The following HMCN1 variants were observed in gnomAD, a reference collection of about 807,000 sequenced individuals.
HMCN1 encodes the protein hemicentin 1, also known as hemicentin-1.
In HMCN1, 321 loss-of-function variants were observed where a neutral mutation model predicts 625.9. The ratio of observed to expected loss-of-function variants is 0.51; its 90% CI spans 0.47 to 0.56. HMCN1 has a LOEUF of 0.56. Ranked by LOEUF, HMCN1 falls within the 20% of genes least tolerant of loss-of-function variation. The pLI is 0.00. For missense variants in HMCN1, 6,588 were observed against 6,887.3 expected (o/e 0.96, Z 1.54); for synonymous variants, 2,425 against 2,417.6 (o/e 1.00, Z -0.09).
chr1:186,039,946 T>C, intron 39 of HMCN1, 67 bp downstream of exon 39: 1 of 1,458,874 alleles, frequency 6.9e-7, no homozygotes, highest in Non-Finnish European at 9.6e-7. Context: ...TACACACAGG[T>C]AAAACTGTTG....
At chr1:186,078,299 C>A in intron 55 of HMCN1, 79 bp downstream of exon 55, 1 of 997,628 alleles carries the variant, frequency 1.0e-6, no homozygotes, top group Non-Finnish European at 1.6e-6. Flanking sequence ...GGATGTTACA[C>A]TAAGCGCTTT....
chr1:185,812,102 T>C (rs1166464163), intron 1 of HMCN1, among the ~76,000 whole-genome samples: 1 of 152,138 alleles, frequency 6.6e-6, no homozygotes, highest in East Asian at 1.9e-4. Context: ...TTTTTGAAGA[T>C]GGCCAACATT....
intron 13 of HMCN1, among the ~76,000 whole-genome samples, chr1:185,965,003 G>A (rs1418130130): frequency 6.6e-6 from 1 of 152,066 alleles, no homozygotes; most frequent in Non-Finnish European, 1.5e-5. Context: ...ATGGAATTTT[G>A]AAGGCAGTAG....
chr1:185,809,783 G>A (rs1304963539), intron 1 of HMCN1, among the ~76,000 whole-genome samples: 2 of 151,980 alleles, frequency 1.3e-5, no homozygotes, highest in Non-Finnish European at 2.9e-5. Flanking sequence ...CAGATTTAGT[G>A]ATTTATTTTG....
At chr1:185,963,402 G>A (rs1432391748) in intron 12 of HMCN1, among the ~76,000 whole-genome samples, 8 of 152,086 alleles carry the variant, frequency 5.3e-5, no homozygotes, top group African/African-American at 1.2e-4. Flanking sequence ...CAAGATTGCC[G>A]GGGTGCAAAT....
chr1:186,057,889 T>C (rs1467251511), intron 46 of HMCN1, among the ~76,000 whole-genome samples: 1 of 152,080 alleles, frequency 6.6e-6, no homozygotes, highest in Non-Finnish European at 1.5e-5. Flanking sequence ...ATTCCTCATA[T>C]AATTTTGTGG....
At chr1:186,061,645 A>G (rs1164972307) in intron 46 of HMCN1, among the ~76,000 whole-genome samples, 1 of 152,112 alleles carries the variant, frequency 6.6e-6, no homozygotes, top group Admixed American at 6.6e-5. Context: ...TTATTTTTTT[A>G]TCTATTGAAC....
Position 186,129,973 on chromosome 1 carries a change from T to C in HMCN1, c.12912T>C (p.Phe4304=), listed in dbSNP as rs1217358355. 1.9e-6 allele frequency: 3 copies of C among 1,612,928 alleles called. No individual in the cohort carries two copies. The South Asian group carries it at 3.3e-5, about 18-fold the overall frequency. ...TFNNNIIPAH[F]DSVNGHSELV... Reference sequence around the variant, plus strand: ...GTTTCTTGTTTCCCTCAGCCCACTTTGACAGTGTGAATGGACACAGTGAAC... The same window carrying C: ...GTTTCTTGTTTCCCTCAGCCCACTTCGACAGTGTGAATGGACACAGTGAAC... Residue 4304 remains phenylalanine, a synonymous_variant, in exon 84 of 107, where the codon TTT becomes TTC. Coordinates refer to ENST00000271588, the MANE Select transcript of HMCN1 (RefSeq NM_031935.3).
At chr1:185,943,681 T>G (rs188660581) in intron 11 of HMCN1, among the ~76,000 whole-genome samples, 13 of 152,126 alleles carry the variant, frequency 8.5e-5, no homozygotes, top group Non-Finnish European at 1.3e-4. Flanking sequence ...CATAGTTTAG[T>G]GTTTGTATAG....
chr1:185,843,141 GATAAA>G (rs749292045), intron 1 of HMCN1, among the ~76,000 whole-genome samples: 18 of 152,034 alleles, frequency 1.2e-4, no homozygotes, highest in Non-Finnish European at 2.1e-4. Context: ...TAAACAACTA[GATAAA>G]ATAAACTGAA....
chr1:185,751,233 C>G (rs533579918), intron 1 of HMCN1, among the ~76,000 whole-genome samples: 2 of 152,044 alleles, frequency 1.3e-5, no homozygotes, highest in African/African-American at 2.4e-5. Flanking sequence ...TCCTTTTGGT[C>G]TTTATTTGAG....
intron 100 of HMCN1, among the ~76,000 whole-genome samples, chr1:186,169,730 A>G (rs1193502951): frequency 6.6e-6 from 1 of 152,238 alleles, no homozygotes; most frequent in Non-Finnish European, 1.5e-5. Flanking sequence ...TAAAAACCCT[A>G]GAAGAAAACC....
At chr1:186,150,495 A>G (rs1053783559) in intron 93 of HMCN1, among the ~76,000 whole-genome samples, 2 of 152,204 alleles carry the variant, frequency 1.3e-5, no homozygotes, top group African/African-American at 2.4e-5. Context: ...GCAAAAGCAC[A>G]GTCTCTCTCA....
At chr1:186,055,297 A>T in intron 44 of HMCN1, 96 bp from the exon 45 acceptor site, 1 of 1,092,546 alleles carries the variant, frequency 9.2e-7, no homozygotes, top group Non-Finnish European at 1.4e-6. Flanking sequence ...ATTTTAACAT[A>T]AAAATATATT....
intron 30 of HMCN1, among the ~76,000 whole-genome samples, chr1:186,013,249 C>T (rs887864744): frequency 5.9e-5 from 9 of 152,080 alleles, no homozygotes; most frequent in Non-Finnish European, 1.2e-4. Flanking sequence ...GTTTGAGTTT[C>T]ATATAATTTT....
chr1:185,903,416 A>G (rs1178069065), intron 4 of HMCN1, among the ~76,000 whole-genome samples: 2 of 151,760 alleles, frequency 1.3e-5, no homozygotes, highest in African/African-American at 2.4e-5. Context: ...TTTATCCTCT[A>G]TATAAACTGA....
At chr1:186,188,161 G>A (rs1017132170) in intron 106 of HMCN1, 152 bp downstream of exon 106, 2 of 933,590 alleles carry the variant, frequency 2.1e-6, no homozygotes, top group Non-Finnish European at 3.4e-6. Flanking sequence ...TCTCTTCAAT[G>A]AATGGGCAAG....
rs67719442 is a variant in HMCN1 at position 185,852,577 on chromosome 1, T to TACACAC, written c.339+6524_339+6529dup. On this transcript the variant is annotated intron_variant, in intron 2 of 106. Transcript: ENST00000271588. The stretch of plus-strand genomic sequence containing the variant: ...AATATGCATTTGCTTACAAATATCC[T>TACACAC]ACACACACACACACACACACACACA... Among the ~76,000 whole-genome samples, 158 of 135,604 alleles carry TACACAC rather than the reference T, an allele frequency of 1.2e-3. 2 individuals carry two copies. The highest frequency in any genetic ancestry group is 5.6e-3 in the Admixed American group (73 of 13,102). The allele number at this position is 135,604 out of a possible 152,430, so 89.0% of individuals were successfully genotyped here.
chr1:185,938,645 A>G (rs1281021576), intron 11 of HMCN1, among the ~76,000 whole-genome samples: 1 of 152,102 alleles, frequency 6.6e-6, no homozygotes, highest in African/African-American at 2.4e-5. Context: ...AAAAAATTCC[A>G]ATTTTTGGCA....
Sources: gnomAD v4.1 joint callset for allele counts (sites outside exome capture counted in the v4.1 genomes callset) on GRCh38, gnomAD v4.1.1 for gene constraint, MANE v1.5 for transcripts, NCBI Gene and HGNC (gene_info 2026-07-23, HGNC 2026-07-21) for gene names.